POLQ: variants seen among roughly 807,000 people sequenced by gnomAD.
POLQ encodes the protein DNA polymerase theta.
In POLQ, 233 loss-of-function variants were observed where a neutral mutation model predicts 259.2. That is an observed-to-expected ratio of 0.90 (90% CI 0.81 to 1.00). The LOEUF is 1.00. Ranked by LOEUF, POLQ falls within the 50% of genes least tolerant of loss-of-function variation. The pLI, the probability that POLQ is intolerant of heterozygous loss-of-function variation, is 0.00. For missense variants in POLQ, 2,871 were observed against 3,051.6 expected, an observed-to-expected ratio of 0.94 and a Z score of 1.39; for synonymous variants, 1,025 against 1,048.8, an observed-to-expected ratio of 0.98 and a Z score of 0.44.
In POLQ at chr3:121,508,016, A is replaced by ATTTTTTAATT. The variant is rs372402311; in HGVS notation, c.1959+1544_1959+1545insAATTAAAAAA. On this transcript the variant is annotated intron_variant, in intron 12 of 29. Transcript: ENST00000264233. Reference sequence around the variant, plus strand: ...TTACCGGCATGCACCACCATACACAATTTTTTTTTTTTTTTTTTTGTTTGG... The same window carrying ATTTTTTAATT: ...TTACCGGCATGCACCACCATACACAATTTTTTAATTTTTTTTTTTTTTTTTTTTTGTTTGG... Among the ~76,000 whole-genome samples the ATTTTTTAATT allele has an allele frequency of 2.6e-4, 34 of 129,616 alleles. 1 individual carries two copies. In the South Asian group the frequency reaches 8.4e-3, roughly 32 times the overall value. 85.0% of individuals were successfully genotyped at this position (129,616 alleles called of 152,430 possible). A position where few individuals can be genotyped will look rare whatever the true frequency, so the allele number is the denominator to read the frequency against.
chr3:121,474,020 C>T (rs2047906217), intron 20 of POLQ, among the ~76,000 whole-genome samples: 1 of 152,194 alleles, frequency 6.6e-6, no homozygotes, highest in African/African-American at 2.4e-5. Context: ...AGCCACCACA[C>T]ACAGCCAGCT....
At chr3:121,452,285 C>T (rs1330466325) in intron 25 of POLQ, among the ~76,000 whole-genome samples, 1 of 152,040 alleles carries the variant, frequency 6.6e-6, no homozygotes. Flanking sequence ...GTGGGCTGCA[C>T]CCACTGTCCA....
At chr3:121,535,806 A>T (rs1041782462) in intron 5 of POLQ, among the ~76,000 whole-genome samples, 1 of 152,168 alleles carries the variant, frequency 6.6e-6, no homozygotes, top group Admixed American at 6.6e-5. Context: ...CACTGAAATA[A>T]AGTAGAAGTT....
chr3:121,528,656 T>C (rs1406615889), intron 7 of POLQ, among the ~76,000 whole-genome samples: 1 of 152,050 alleles, frequency 6.6e-6, no homozygotes, highest in East Asian at 2.0e-4. Context: ...ATTTTAATTC[T>C]TAATAAAAGA....
chr3:121,511,226 CAAAAAAAAAAAA>C (rs34066876), intron 10 of POLQ, among the ~76,000 whole-genome samples: 1 of 74,930 alleles, frequency 1.3e-5, no homozygotes, highest in African/African-American at 6.0e-5. Context: ...ACTCCGTCTC[CAAAAAAAAAAAA>C]AAAAAAAAAA....
chr3:121,492,951 G>A (rs537923101), intron 15 of POLQ, among the ~76,000 whole-genome samples: 2 of 151,794 alleles, frequency 1.3e-5, no homozygotes, highest in African/African-American at 4.8e-5. Context: ...GCCCCACTCA[G>A]ACGTTCTAGC....
chr3:121,451,941 C>T lies in POLQ; in HGVS notation c.7153-2515G>A, dbSNP rs112943645. ...GAGCTGTGGTGGGCTCCACCCAGTT[C>T]GAGCTTCCTGGCCTCTTTGTTTACC... is the stretch of plus-strand genomic sequence containing the variant. On this transcript the variant is annotated intron_variant, in intron 25 of 29. Coordinates refer to ENST00000264233, the MANE Select transcript of POLQ (RefSeq NM_199420.4). Among the ~76,000 whole-genome samples, 573 of 152,342 alleles carry T rather than the reference C, an allele frequency of 3.8e-3. 4 individuals are homozygous for T. The highest frequency in any genetic ancestry group is 0.013 in the African/African-American group (538 of 41,584).
intron 2 of POLQ, among the ~76,000 whole-genome samples, chr3:121,543,745 A>T (rs1327093060): frequency 6.6e-6 from 1 of 152,140 alleles, no homozygotes; most frequent in East Asian, 1.9e-4. Context: ...GGACTTTGGG[A>T]GGCTGAGGTG....
At chr3:121,449,458 A>T (rs1483304548) in intron 25 of POLQ, 32 bp from the exon 26 acceptor site, 1 of 1,172,996 alleles carries the variant, frequency 8.5e-7, no homozygotes, top group Non-Finnish European at 1.3e-6. Flanking sequence ...AATAAAGGTT[A>T]TAAGTACATA....
chr3:121,458,821 T>G (rs933932179), intron 25 of POLQ, among the ~76,000 whole-genome samples: 2 of 152,160 alleles, frequency 1.3e-5, no homozygotes, highest in African/African-American at 4.8e-5. Flanking sequence ...GAGGCCAAGT[T>G]GGAAGTATCA....
At chr3:121,510,406 T>A (rs960948993) in intron 10 of POLQ, among the ~76,000 whole-genome samples, 163 bp from the exon 11 acceptor site, 6 of 151,828 alleles carry the variant, frequency 4.0e-5, no homozygotes, top group Admixed American at 1.3e-4. Context: ...TGAAACCCCG[T>A]CTCTACTAAA....
chr3:121,513,190 T>C (rs2048267779), intron 9 of POLQ, among the ~76,000 whole-genome samples: 1 of 151,894 alleles, frequency 6.6e-6, no homozygotes, highest in South Asian at 2.1e-4. Context: ...AAAGAGAAGG[T>C]ACAGATTATC....
At chr3:121,543,427 C>G (rs2048504589) in intron 2 of POLQ, among the ~76,000 whole-genome samples, 1 of 151,782 alleles carries the variant, frequency 6.6e-6, no homozygotes, top group Admixed American at 6.5e-5. Context: ...CACATATACA[C>G]TCTCTCACTC....
intron 25 of POLQ, among the ~76,000 whole-genome samples, chr3:121,456,130 A>C (rs1337358827): frequency 2.0e-5 from 3 of 152,252 alleles, no homozygotes; most frequent in Non-Finnish European, 4.4e-5. Flanking sequence ...AGAGAAAAAA[A>C]ACACATGATT....
rs1399142776 is a variant in POLQ at position 121,539,545 on chromosome 3, G to A, written c.519C>T (p.Gly173=). 4.3e-6 allele frequency: 7 copies of A among 1,612,082 alleles called. No homozygotes were observed. In the Admixed American group the frequency reaches 1.2e-4, roughly 27 times the overall value. The change falls in exon 4 of 30, where the codon GGC becomes GGT. Residue 173 remains glycine, a synonymous_variant. Transcript: ENST00000264233. ...AGAAATGCCTTGATGGAGAGGTGCT[G>A]CCCATATAACCGTCTACTTTTATTC... ...EVGIKVDGYM[G]STSPSRHFSS... is the part of the protein sequence containing the mutation.
rs1315942762 is a variant in POLQ, at chr3:121,522,005, G to A, written c.1253C>T (p.Ala418Val). 3.2e-6 allele frequency: 5 copies of A among 1,564,162 alleles called. No homozygotes were observed. Among genetic ancestry groups the A allele is most frequent in the African/African-American group, 1.4e-5 (1 of 71,760 alleles). The change falls in exon 8 of 30, where the codon GCA becomes GTA. Residue 418 changes from alanine to valine, a missense_variant and splice_region_variant. Physicochemically the swap from Ala to Val is moderately conservative, Grantham distance 64. Transcript: ENST00000264233. The stretch of plus-strand genomic sequence containing the variant: ...ATAACATTATAAATATGAAATACCT[G>A]CATGATGAAATGCTACTCCCCATGG... ...TVPWGVAFHH[A>V]GLTFEERDII...
rs367744360 is a variant in POLQ, at chr3:121,496,758, G to T, written c.2278+50C>A. On this transcript the variant is annotated intron_variant, in intron 14 of 29. Coordinates refer to ENST00000264233, the MANE Select transcript of POLQ (RefSeq NM_199420.4). ...TTGAAAAAAAAAGTAATCTTAACTC[G>T]ACCTCAAATCACAGTATTAAATAAA... 1.9e-6 allele frequency: 3 copies of T among 1,546,562 alleles called. No individual in the cohort carries two copies. In the African/African-American group the frequency reaches 4.2e-5, roughly 22 times the overall value.
chr3:121,451,732 G>C (rs558195220), intron 25 of POLQ, among the ~76,000 whole-genome samples: 1 of 152,280 alleles, frequency 6.6e-6, no homozygotes, highest in South Asian at 2.1e-4. Flanking sequence ...CTACTTGGGG[G>C]TCAGGGACCC....
rs754532506 is a variant in POLQ at position 121,436,185 on chromosome 3, T to C, written c.7480A>G (p.Thr2494Ala). Residue 2494 changes from threonine to alanine, a missense_variant, in exon 28 of 30, where the codon ACC becomes GCC. Thr to Ala is a moderately conservative substitution (Grantham distance 58, BLOSUM62 0). This residue lies in a region of POLQ where 2,080 missense variants were observed against 2,126.0 expected (regional missense o/e 0.98). Transcript: ENST00000264233. ...ATVNIQKQLE[T>A]FHSTFKSHGH... ...TGGGATTTGAAGGTTGAGTGGAAGG[T>C]CTCTAATTGCTTCTGAATGTTAACT... 3.5e-5 allele frequency: 57 copies of C among 1,613,704 alleles called. No individual in the cohort carries two copies. The highest frequency in any genetic ancestry group is 4.5e-5 in the Non-Finnish European group (53 of 1,179,754).
Sources: gnomAD v4.1 joint callset for allele counts (sites outside exome capture counted in the v4.1 genomes callset) on GRCh38, gnomAD v4.1.1 for gene constraint, gnomAD v4.1.1 regional missense constraint, MANE v1.5 for transcripts, NCBI Gene and HGNC (gene_info 2026-07-23, HGNC 2026-07-21) for gene names.